MYO18A: variants seen among roughly 807,000 people sequenced by gnomAD.
The protein encoded by MYO18A is unconventional myosin-XVIIIa.
In MYO18A, 78 loss-of-function variants were observed where a neutral mutation model predicts 235.8. That is an observed-to-expected ratio of 0.33 (90% confidence interval 0.28 to 0.40). MYO18A has a LOEUF of 0.40. MYO18A is among the 10% of genes least tolerant of loss of function. The probability of loss-of-function intolerance (pLI) is 1.00; values close to 1 mark genes in which losing one functional copy is unlikely to be tolerated. For missense variants in MYO18A, 2,215 were observed against 2,699.3 expected (o/e 0.82, Z 3.98); for synonymous variants, 977 against 1,077.8 (o/e 0.91, Z 1.83).
At chr17:29,154,119 T>TGTGTGTGTGTGTGC (rs2068013989) in intron 2 of MYO18A, among the ~76,000 whole-genome samples, 1 of 137,118 alleles carries the variant, frequency 7.3e-6, no homozygotes, top group African/African-American at 2.6e-5. Context: ...TGTGTGTGTG[T>TGTGTGTGTGTGTGC]GTGCGCGCGC....
Position 29,118,445 on chromosome 17 carries a change from G to T in MYO18A, c.1830-5C>A, listed in dbSNP as rs1214353149. 1 of 1,597,474 alleles carries T rather than the reference G, an allele frequency of 6.3e-7. No individual in the cohort carries two copies. Among genetic ancestry groups the T allele is most frequent in the East Asian group, 2.3e-5 (1 of 44,402 alleles). ...TGGTTGAGGTGGAGCTCTGTCCTAG[G>T]GGTACAAATAAGGCATCAGCACGGC... On this transcript the variant is annotated splice_region_variant and splice_polypyrimidine_tract_variant and intron_variant, in intron 8 of 41. Transcript: ENST00000527372. The surrounding 1 kb of genome is among the most constrained non-coding windows in gnomAD (Gnocchi z 4.2).
At chr17:29,080,553 G>T in intron 41 of MYO18A, 1 of 986,036 alleles carries the variant, frequency 1.0e-6, no homozygotes, top group Non-Finnish European at 1.2e-6. Context: ...TGGAGAGGCT[G>T]TCGAGCCGGG....
chr17:29,171,638 T>C (rs2068406201), intron 1 of MYO18A, among the ~76,000 whole-genome samples: 1 of 152,168 alleles, frequency 6.6e-6, no homozygotes, highest in Non-Finnish European at 1.5e-5. Flanking sequence ...CTCACATCTA[T>C]AATCCCAACA....
intron 2 of MYO18A, chr17:29,128,253 G>A (rs1366896826): frequency 1.2e-5 from 14 of 1,167,150 alleles, no homozygotes; most frequent in South Asian, 9.5e-5. Context: ...CTCTTGCTTC[G>A]AGTCGGGTGC....
At chr17:29,119,481 C>A in intron 7 of MYO18A, 46 bp from the exon 8 acceptor site, 2 of 1,437,830 alleles carry the variant, frequency 1.4e-6, no homozygotes, top group South Asian at 2.5e-5. Context: ...AGTGCCAGAT[C>A]AAGTTTCTCC....
chr17:29,110,740 C>T, intron 17 of MYO18A, 118 bp from the exon 18 acceptor site: 1 of 1,015,974 alleles, frequency 9.8e-7, no homozygotes, highest in Non-Finnish European at 1.4e-6. Flanking sequence ...GTCCAGGGGC[C>T]TGGCTACCTG....
At position 29,109,561 on chromosome 17, in the gene MYO18A, G is replaced by A. The variant is rs565802790; in HGVS notation, c.3331+297C>T. ...AAGCTGAACTGTCCAAACTAGGGAC[G>A]TGGGAAGAAAGGGAGCTGTGGACAA... On this transcript the variant is annotated intron_variant, in intron 19 of 41. Transcript: ENST00000527372. The surrounding 1 kb of genome is among the most constrained non-coding windows in gnomAD (Gnocchi z 4.1). 9.2e-5 allele frequency among the ~76,000 whole-genome samples: 14 copies of A among 152,316 alleles called. No individual in the cohort carries two copies. Among genetic ancestry groups the A allele is most frequent in the East Asian group, 1.9e-4 (1 of 5,178 alleles).
chr17:29,080,483 G>A (rs2066092371), intron 41 of MYO18A: 42 of 986,032 alleles, frequency 4.3e-5, no homozygotes, highest in Non-Finnish European at 4.7e-5. Flanking sequence ...AGGGACAGGC[G>A]AGAATCAGGG....
At chr17:29,080,924 T>A (rs571909231) in intron 41 of MYO18A, 75 of 985,374 alleles carry the variant, frequency 7.6e-5, no homozygotes, top group Non-Finnish European at 9.0e-5. Context: ...TCCTTTAGGG[T>A]GAGCCGCTTC....
At chr17:29,155,859 C>T (rs1452542668) in intron 2 of MYO18A, among the ~76,000 whole-genome samples, 1 of 152,204 alleles carries the variant, frequency 6.6e-6, no homozygotes, top group Non-Finnish European at 1.5e-5. Context: ...CCTCCCACTC[C>T]CTCTCCTGAG....
Position 29,125,861 on chromosome 17 carries a change from G to A in MYO18A, c.1000-3608C>T. 6 of 980,152 alleles carry A rather than the reference G, an allele frequency of 6.1e-6. No homozygotes were observed. Among genetic ancestry groups the A allele is most frequent in the Non-Finnish European group, 6.1e-6 (5 of 824,640 alleles). The allele number at this position is 980,152 out of a possible 1,614,324, so 60.7% of individuals were successfully genotyped here. Reference sequence around the variant, plus strand: ...CCAGCCTCAGGAAGAGGGCGGCCAGGGACTGGGACCCACACACAAGAGTGG... The same window carrying A: ...CCAGCCTCAGGAAGAGGGCGGCCAGAGACTGGGACCCACACACAAGAGTGG... On this transcript the variant is annotated intron_variant, in intron 2 of 41. Coordinates refer to ENST00000527372, the MANE Select transcript of MYO18A (RefSeq NM_078471.4). This position sits in a 1 kb window ranked among gnomAD's most constrained non-coding sequence, Gnocchi z 5.1.
chr17:29,088,376 C>T (rs2066312137), intron 37 of MYO18A, among the ~76,000 whole-genome samples: 2 of 152,240 alleles, frequency 1.3e-5, no homozygotes, highest in South Asian at 4.1e-4. Flanking sequence ...TTAAGTTTCC[C>T]CTAACTCTCT....
At chr17:29,103,295 T>C (rs776463948) in intron 21 of MYO18A, among the ~76,000 whole-genome samples, 1 of 152,074 alleles carries the variant, frequency 6.6e-6, no homozygotes, top group African/African-American at 2.4e-5. Flanking sequence ...AGGACTCGGG[T>C]CAAGTTCAGG....
intron 2 of MYO18A, 24 bp from the exon 3 acceptor site, chr17:29,122,277 A>G (rs2067219758): frequency 6.3e-7 from 1 of 1,596,074 alleles, no homozygotes; most frequent in Admixed American, 1.7e-5. Flanking sequence ...AGAAGAATAA[A>G]CAGGCCCTGC....
chr17:29,111,843 T>G lies in MYO18A; in HGVS notation c.2619A>C (p.Thr873=). ...GCCAGAGCAGGCCCCTCGCCTCGTC[T>G]GTGCGGGCCAGCGAGCGGACCTACA... ...HQSLVRSLAR[T]DEARGLLWLL... Residue 873 remains threonine (T), a synonymous_variant, in exon 16 of 42, where the codon ACA becomes ACC. Transcript: ENST00000527372. The surrounding 1 kb of genome is among the most constrained non-coding windows in gnomAD (Gnocchi z 5.1). 1 of 1,612,480 alleles carries G rather than the reference T, an allele frequency of 6.2e-7. No homozygotes were observed. Among genetic ancestry groups the G allele is most frequent in the Non-Finnish European group, 8.5e-7 (1 of 1,179,224 alleles).
intron 20 of MYO18A, among the ~76,000 whole-genome samples, 193 bp from the exon 21 acceptor site, chr17:29,103,857 G>A (rs184284551): frequency 5.1e-4 from 77 of 152,260 alleles, no homozygotes; most frequent in Non-Finnish European, 9.1e-4. Flanking sequence ...GGAACAAACC[G>A]TCTTGCTGGG....
chr17:29,142,380 G>C (rs1167070207), intron 2 of MYO18A, among the ~76,000 whole-genome samples: 4 of 152,246 alleles, frequency 2.6e-5, no homozygotes, highest in Non-Finnish European at 4.4e-5. Context: ...GAATGATTTA[G>C]CTGTGTGAAC....
chr17:29,115,501 C>T lies in MYO18A; in HGVS notation c.2228-60G>A, dbSNP rs553678766. On this transcript the variant is annotated intron_variant, in intron 12 of 41. Transcript: ENST00000527372. The stretch of plus-strand genomic sequence containing the variant: ...CCCCAGGGCTCCCCATCTGGGTAAG[C>T]CCCTGACCTGCCCAGGGCCCAGTCA... The T allele has an allele frequency of 2.5e-6, 4 of 1,569,532 alleles. No individual in the cohort carries two copies. The Admixed American group carries it at 7.2e-5, about 28-fold the overall frequency.
intron 33 of MYO18A, 132 bp downstream of exon 33, chr17:29,092,723 G>T (rs1013947296): frequency 7.8e-7 from 1 of 1,274,416 alleles, no homozygotes. Flanking sequence ...GCTGCTACAC[G>T]TGGCTCTCCC....
Sources: gnomAD v4.1 joint callset for allele counts (sites outside exome capture counted in the v4.1 genomes callset) on GRCh38, gnomAD v4.1.1 for gene constraint, Gnocchi (gnomAD v3.1) non-coding constraint, MANE v1.5 for transcripts, NCBI Gene and HGNC (gene_info 2026-07-23, HGNC 2026-07-21) for gene names.